Variants in CABLES1 observed in about 807,000 individuals in gnomAD.
CABLES1 encodes CDK5 and ABL1 enzyme substrate 1.
Under a neutral mutation model 57.8 loss-of-function variants are expected in CABLES1, and 36 were observed. The observed-to-expected ratio is 0.62, with a 90% CI of 0.48 to 0.82. CABLES1 has a LOEUF of 0.82. Among genes scored for constraint, CABLES1 ranks in the 40% least tolerant of loss-of-function variants. CABLES1 has a pLI of 0.00. For missense variants in CABLES1, 767 were observed against 836.6 expected (o/e 0.92, Z 1.03); for synonymous variants, 374 against 363.0 (o/e 1.03, Z -0.35).
At chr18:23,156,091 T>C in intron 1 of CABLES1, 3 of 989,516 alleles carry the variant, frequency 3.0e-6, no homozygotes, top group East Asian at 2.5e-5. Context: ...AGTCCTGATG[T>C]GGGCCAGCAG....
chr18:23,231,839 G>A lies in CABLES1; in HGVS notation c.1089-2769G>A, dbSNP rs530520570. Among the ~76,000 whole-genome samples the A allele has an allele frequency of 7.2e-5, 11 of 152,150 alleles. No individual in the cohort carries two copies. In the South Asian group the frequency reaches 1.9e-3, roughly 26 times the overall value. On this transcript the variant is annotated intron_variant, in intron 4 of 9. Coordinates refer to ENST00000256925, the MANE Select transcript of CABLES1 (RefSeq NM_001100619.3). ...AAGAAGGGGAGTGTGGAAGAGGCGC[G>A]ACTGGTTTGGTTCTGTTAACTGTGA...
Position 23,168,735 on chromosome 18 carries a change from C to T in CABLES1, c.846-20103C>T, listed in dbSNP as rs570450458. Among the ~76,000 whole-genome samples, 46 of 152,302 alleles carry T rather than the reference C, an allele frequency of 3.0e-4. No individual in the cohort carries two copies. In the South Asian group the frequency reaches 5.0e-3, roughly 16 times the overall value. ...TGCGGCCATTCCACTTCCTTCCCTC[C>T]GGAGCTACTCAGGCCTGTTAAGCTC... On this transcript the variant is annotated intron_variant, in intron 1 of 9. Coordinates refer to ENST00000256925, the MANE Select transcript of CABLES1 (RefSeq NM_001100619.3).
chr18:23,176,817 TG>T (rs2047126264), intron 1 of CABLES1, among the ~76,000 whole-genome samples: 1 of 152,162 alleles, frequency 6.6e-6, no homozygotes, highest in African/African-American at 2.4e-5. Context: ...AATCCACTCC[TG>T]CTGAAGGCCC....
At chr18:23,233,968 G>A (rs917156929) in intron 4 of CABLES1, among the ~76,000 whole-genome samples, 18 of 152,140 alleles carry the variant, frequency 1.2e-4, no homozygotes, top group Admixed American at 2.0e-4. Flanking sequence ...TGTAATCCCA[G>A]CACTTTGGGA....
Position 23,238,982 on chromosome 18 carries a change from C to T in CABLES1, c.1446+1737C>T, listed in dbSNP as rs73968416. On this transcript the variant is annotated intron_variant, in intron 7 of 9. Coordinates refer to ENST00000256925, the MANE Select transcript of CABLES1 (RefSeq NM_001100619.3). ...GGAAGGTACACTATTTCGATGTTGGCGGGAGCTGTCCTAACAGACACGTGC... is the reference window on the plus strand; with the variant it reads ...GGAAGGTACACTATTTCGATGTTGGTGGGAGCTGTCCTAACAGACACGTGC... Among the ~76,000 whole-genome samples, 152 of 152,328 alleles carry T rather than the reference C, an allele frequency of 1.0e-3. 1 individual carries two copies. The highest frequency in any genetic ancestry group is 3.4e-3 in the African/African-American group (142 of 41,576).
At chr18:23,177,454 C>T (rs1386615956) in intron 1 of CABLES1, among the ~76,000 whole-genome samples, 2 of 151,504 alleles carry the variant, frequency 1.3e-5, no homozygotes, top group African/African-American at 4.9e-5. Context: ...CACACACACA[C>T]GTTCATTGTG....
intron 1 of CABLES1, among the ~76,000 whole-genome samples, chr18:23,174,694 G>C (rs779924182): frequency 6.6e-6 from 1 of 151,312 alleles, no homozygotes; most frequent in Non-Finnish European, 1.5e-5. Context: ...GGATGGTGTC[G>C]ATCTCCTGAC....
chr18:23,141,620 G>A (rs2046858346), intron 1 of CABLES1, among the ~76,000 whole-genome samples: 1 of 152,236 alleles, frequency 6.6e-6, no homozygotes, highest in Admixed American at 6.5e-5. Flanking sequence ...CCAGGCGGGG[G>A]CCTGTGGATG....
At position 23,188,519 on chromosome 18, in the gene CABLES1, T is replaced by C. The variant is rs1225080001; in HGVS notation, c.846-319T>C. Among the ~76,000 whole-genome samples the C allele has an allele frequency of 2.0e-5, 3 of 149,922 alleles. No individual in the cohort carries two copies. In the East Asian group the frequency reaches 5.8e-4, roughly 29 times the overall value. ...TGCACACAGCGCTCAAGTTATCCTG[T>C]ATATTACAAGAGGCACCTTGTCTTT... is the stretch of plus-strand genomic sequence containing the variant. On this transcript the variant is annotated intron_variant, in intron 1 of 9. Transcript: ENST00000256925.
At chr18:23,249,317 T>G (rs1203107585) in intron 7 of CABLES1, among the ~76,000 whole-genome samples, 1 of 151,880 alleles carries the variant, frequency 6.6e-6, no homozygotes, top group Admixed American at 6.6e-5. Flanking sequence ...GATAATAGAG[T>G]AGAATGGAGG....
intron 4 of CABLES1, among the ~76,000 whole-genome samples, chr18:23,214,965 A>G (rs1322125062): frequency 6.6e-6 from 1 of 152,154 alleles, no homozygotes; most frequent in Non-Finnish European, 1.5e-5. Context: ...CTTACGGCCT[A>G]TTCGATTCAC....
intron 1 of CABLES1, among the ~76,000 whole-genome samples, chr18:23,162,674 G>T (rs1319968732): frequency 1.3e-5 from 2 of 152,198 alleles, no homozygotes; most frequent in Non-Finnish European, 1.5e-5. Flanking sequence ...GTCAAGGAAG[G>T]CTTCTTGGAG....
chr18:23,246,543 C>A (rs769824483), intron 7 of CABLES1, among the ~76,000 whole-genome samples: 5 of 151,900 alleles, frequency 3.3e-5, no homozygotes, highest in Admixed American at 6.6e-5. Context: ...AGGCACCCGC[C>A]ACCACACCCG....
intron 1 of CABLES1, among the ~76,000 whole-genome samples, chr18:23,150,301 C>T (rs1269346941): frequency 4.0e-5 from 6 of 150,706 alleles, no homozygotes; most frequent in African/African-American, 9.8e-5. Context: ...CTCCACCTCC[C>T]GCGTTCATGC....
At chr18:23,188,783 C>A in intron 1 of CABLES1, 55 bp from the exon 2 acceptor site, 4 of 1,205,032 alleles carry the variant, frequency 3.3e-6, no homozygotes, top group Non-Finnish European at 5.0e-6. Flanking sequence ...GCACAAATGT[C>A]TGATCAGTTC....
chr18:23,200,662 G>A (rs932184700), intron 3 of CABLES1, among the ~76,000 whole-genome samples: 12 of 152,198 alleles, frequency 7.9e-5, no homozygotes, highest in Admixed American at 7.8e-4. Flanking sequence ...AGCAGTCAAC[G>A]TGAGTTCACT....
intron 1 of CABLES1, among the ~76,000 whole-genome samples, chr18:23,173,295 C>T (rs113979737): frequency 0.028 from 4,263 of 152,312 alleles, 92 homozygotes; most frequent in Non-Finnish European, 0.043. Flanking sequence ...GCACAGACAC[C>T]TGCGGGACCT....
At chr18:23,204,517 T>C (rs1383952436) in intron 3 of CABLES1, 1 of 152,220 alleles carries the variant, frequency 6.6e-6, no homozygotes, top group Admixed American at 6.5e-5. Flanking sequence ...TTGTTTCAGA[T>C]TGGACAGAAC....
chr18:23,174,756 GC>G (rs11366686), intron 1 of CABLES1, among the ~76,000 whole-genome samples: 4,301 of 148,550 alleles, frequency 0.029, 266 homozygotes, highest in Admixed American at 0.15. Flanking sequence ...ACAGGTGTGA[GC>G]CCACCGCGCC....
Sources: gnomAD v4.1 joint callset for allele counts (sites outside exome capture counted in the v4.1 genomes callset) on GRCh38, gnomAD v4.1.1 for gene constraint, MANE v1.5 for transcripts, NCBI Gene and HGNC (gene_info 2026-07-23, HGNC 2026-07-21) for gene names.